GABRQ: variants seen among roughly 807,000 people sequenced by gnomAD.
The protein encoded by GABRQ is gamma-aminobutyric acid receptor subunit theta.
GABRQ carries 19 observed loss-of-function variants against 30.5 expected under a neutral mutation model. The observed-to-expected ratio is 0.62, with a 90% confidence interval of 0.43 to 0.91. The LOEUF is 0.91. GABRQ is among the 40% of genes least tolerant of loss of function. The pLI is 0.00. For missense variants in GABRQ, 520 were observed against 521.4 expected (o/e 1.00, Z 0.03); for synonymous variants, 187 against 210.2 (o/e 0.89, Z 0.95).
rs1219885762 is a variant in GABRQ, at chrX:152,657,455, G to A, written c.*4174G>A. On this transcript the variant is annotated 3_prime_UTR_variant, in exon 9 of 9. Transcript: ENST00000598523. ...TTAACAAAGTAAAATATGAAGAAAC[G>A]TAAAATTATGCTTCTGAAAAATATA... 3.6e-5 allele frequency: 4 copies of A among 111,958 alleles called. No homozygotes were observed. Among genetic ancestry groups the A allele is most frequent in the South Asian group, 3.7e-4 (1 of 2,669 alleles). The allele number at this position is 111,958 out of a possible 1,213,427, so 9.2% of individuals were successfully genotyped here. A position where few individuals can be genotyped will look rare whatever the true frequency, so the allele number is the denominator to read the frequency against.
At position 152,652,604 on chromosome X, in the gene GABRQ, C is replaced by A; in HGVS notation, c.1222C>A (p.Leu408Met). The change falls in exon 9 of 9, where the codon CTG becomes ATG. Residue 408 changes from leucine to methionine, a missense_variant. Transcript: ENST00000598523. Reference protein sequence around the residue: ...SLPITPAQAPLASPESLGSLT... With the variant: ...SLPITPAQAPMASPESLGSLT... ...CCCCATCACCCCAGCGCAGGCCCCC[C>A]TGGCAAGCCCGGAAAGCCTCGGTTC... is the stretch of plus-strand genomic sequence containing the variant. 8.3e-7 allele frequency: 1 copy of A among 1,211,055 alleles called. No homozygotes were observed.
chrX:152,638,405 G>A, intron 1 of GABRQ, 54 bp downstream of exon 1: 2 of 1,130,856 alleles, frequency 1.8e-6, no homozygotes, highest in South Asian at 3.8e-5. Context: ...GAGACGGGCA[G>A]ACGACCTCTG....
rs147670184 is a variant in GABRQ, at chrX:152,642,837, G to A, written c.238+2371G>A. ...CCCCCATTATCTGTTTAGGGATATG[G>A]GATTCCTCATCTAAATTCTCATCCT... On this transcript the variant is annotated intron_variant, in intron 2 of 8. Coordinates refer to ENST00000598523, the MANE Select transcript of GABRQ (RefSeq NM_018558.4). Among the ~76,000 whole-genome samples, 806 of 111,703 alleles carry A rather than the reference G, an allele frequency of 7.2e-3. 8 individuals are homozygous for A. The highest frequency in any genetic ancestry group is 0.025 in the African/African-American group (774 of 30,697).
Position 152,645,735 on chromosome X carries a change from T to G in GABRQ, c.306+141T>G. 7 of 430,789 alleles carry G rather than the reference T, an allele frequency of 1.6e-5. No homozygotes were observed. In the South Asian group the frequency reaches 2.8e-4, roughly 17 times the overall value. 35.5% of individuals were successfully genotyped at this position (430,789 alleles called of 1,213,427 possible). ...GGTAGGTTTGGGACACTGCAGCCATTCAGAATAAAAACTACATTAATTCAA... is the reference window on the plus strand; with the variant it reads ...GGTAGGTTTGGGACACTGCAGCCATGCAGAATAAAAACTACATTAATTCAA... On this transcript the variant is annotated intron_variant, in intron 3 of 8. Transcript: ENST00000598523.
At chrX:152,649,560 A>G (rs782083679) in intron 5 of GABRQ, among the ~76,000 whole-genome samples, 182 bp from the exon 6 acceptor site, 5 of 112,395 alleles carry the variant, frequency 4.4e-5, no homozygotes, top group Middle Eastern at 9.2e-3. Flanking sequence ...TGACAGATAG[A>G]TGTATAAATA....
rs918669654 is a variant in GABRQ at position 152,655,049 on chromosome X, T to C, written c.*1768T>C. On this transcript the variant is annotated 3_prime_UTR_variant, in exon 9 of 9. Transcript: ENST00000598523. ...TGAAAGTGTGGCTTATGTATGTGTATGCTTGTGTACACATGGGTCTATGCT... is the reference window on the plus strand; with the variant it reads ...TGAAAGTGTGGCTTATGTATGTGTACGCTTGTGTACACATGGGTCTATGCT... 3 of 112,701 alleles carry C rather than the reference T, an allele frequency of 2.7e-5. No individual in the cohort carries two copies. Among genetic ancestry groups the C allele is most frequent in the Non-Finnish European group, 3.7e-5 (2 of 53,334 alleles). 9.3% of individuals were successfully genotyped at this position (112,701 alleles called of 1,213,427 possible). A position where few individuals can be genotyped will look rare whatever the true frequency, so the allele number is the denominator to read the frequency against.
rs1931112218 is a variant in GABRQ, at chrX:152,654,639, T to C, written c.*1358T>C. On this transcript the variant is annotated 3_prime_UTR_variant, in exon 9 of 9. Transcript: ENST00000598523. ...AGCCAATGAGCGTGACGTGAGCAGA[T>C]GGAGAACACACTCTGCCCACTGAGC... The C allele has an allele frequency of 1.4e-5, 1 of 73,738 alleles. No homozygotes were observed. The highest frequency in any genetic ancestry group is 6.8e-4 in the South Asian group (1 of 1,478). 6.1% of individuals were successfully genotyped at this position (73,738 alleles called of 1,213,427 possible).
intron 2 of GABRQ, among the ~76,000 whole-genome samples, chrX:152,642,175 C>G (rs1930774556): frequency 8.9e-6 from 1 of 112,003 alleles, no homozygotes. Context: ...ACCACAGGCT[C>G]TAGGTCTGAG....
chrX:152,639,121 T>C (rs1241056497), intron 1 of GABRQ, among the ~76,000 whole-genome samples: 1 of 111,632 alleles, frequency 9.0e-6, no homozygotes, highest in Non-Finnish European at 1.9e-5. Context: ...ATGGGTAATG[T>C]GTGCTTGGAA....
Position 152,638,105 on chromosome X carries a change from C to A in GABRQ, c.-98C>A. On this transcript the variant is annotated 5_prime_UTR_variant, in exon 1 of 9. Coordinates refer to ENST00000598523, the MANE Select transcript of GABRQ (RefSeq NM_018558.4). The stretch of plus-strand genomic sequence containing the variant: ...TTTGGGGAAGGGCCAGCAATCCCGC[C>A]TTCCCCGGCCCCAGTAGTCACCCAC... 1.3e-6 allele frequency: 1 copy of A among 779,307 alleles called. No homozygotes were observed. The highest frequency in any genetic ancestry group is 1.8e-6 in the Non-Finnish European group (1 of 543,750). The allele number at this position is 779,307 out of a possible 1,213,427, so 64.2% of individuals were successfully genotyped here.
chrX:152,652,783 CT>C lies in GABRQ; in HGVS notation c.1404del (p.Phe468LeufsTer37). ...AGGCCCGGCACAGCTATGGTGTTCG[CT>C]TTAATGGTTTCCAGGCTGATGACAG... ...EQARHSYGVR[F>X]NGFQADDSII... On this transcript the variant is annotated frameshift_variant, in exon 9 of 9. Coordinates refer to ENST00000598523, the MANE Select transcript of GABRQ (RefSeq NM_018558.4). LOFTEE classifies it low-confidence loss of function (END_TRUNC). 8.3e-7 allele frequency: 1 copy of C among 1,211,408 alleles called. No individual in the cohort carries two copies. Among genetic ancestry groups the C allele is most frequent in the South Asian group, 1.8e-5 (1 of 57,017 alleles).
chrX:152,652,030 A>T (rs1275678532), intron 8 of GABRQ, among the ~76,000 whole-genome samples: 1 of 112,642 alleles, frequency 8.9e-6, no homozygotes. Context: ...AGACCTTTGG[A>T]CTGAATTTGG....
At chrX:152,642,926 G>C (rs1046233521) in intron 2 of GABRQ, among the ~76,000 whole-genome samples, 2 of 112,756 alleles carry the variant, frequency 1.8e-5, no homozygotes, top group Non-Finnish European at 3.8e-5. Context: ...CTGCATCCCT[G>C]TGCCAGGACT....
At chrX:152,639,029 G>A (rs1465739597) in intron 1 of GABRQ, among the ~76,000 whole-genome samples, 2 of 110,891 alleles carry the variant, frequency 1.8e-5, no homozygotes, top group Non-Finnish European at 3.8e-5. Flanking sequence ...GTTTGTTTGG[G>A]TGTGCGAGTA....
downstream of GABRQ, among the ~76,000 whole-genome samples, chrX:152,658,899 C>T (rs971379918): frequency 1.8e-5 from 2 of 111,795 alleles, no homozygotes; most frequent in East Asian, 5.6e-4. Context: ...TAAATCCTTT[C>T]GTGAAGAAAG....
intron 2 of GABRQ, 99 bp downstream of exon 2, chrX:152,640,565 C>T (rs979335297): frequency 1.0e-5 from 6 of 574,353 alleles, no homozygotes; most frequent in Admixed American, 4.5e-5. Context: ...TGGTATCCTG[C>T]GGGCTCTACA....
At position 152,649,279 on chromosome X, in the gene GABRQ, G is replaced by T; in HGVS notation, c.556G>T (p.Asp186Tyr). ...RLTTTAACSL[D>Y]LHKFPMDKQA... ...CACCACTACAGCAGCTTGTTCCCTG[G>T]ATCTGCATAAATTCCCTATGGACAA... Residue 186 changes from aspartate (D) to tyrosine (Y), a missense_variant, in exon 5 of 9, where the codon GAT becomes TAT. Asp to Tyr is a radical substitution (Grantham distance 160). Transcript: ENST00000598523. The T allele has an allele frequency of 8.4e-7, 1 of 1,197,565 alleles. No individual in the cohort carries two copies. The highest frequency in any genetic ancestry group is 1.1e-6 in the Non-Finnish European group (1 of 882,711).
At chrX:152,638,910 G>T (rs151020547) in intron 1 of GABRQ, among the ~76,000 whole-genome samples, 1 of 111,786 alleles carries the variant, frequency 8.9e-6, no homozygotes, top group Non-Finnish European at 1.9e-5. Context: ...CAGACAGTGC[G>T]ATCGTGTCTG....
At position 152,644,205 on chromosome X, in the gene GABRQ, ACACT is replaced by A. The variant is rs1930828315; in HGVS notation, c.239-1318_239-1315del. Among the ~76,000 whole-genome samples the A allele has an allele frequency of 4.5e-5, 5 of 111,163 alleles. 1 individual carries two copies. The Admixed American group carries it at 4.8e-4, about 11-fold the overall frequency. ...CACAAATAGGCCCACATACACAAACACACTCACAAATTCACTCAAAAACGACACA... is the reference window on the plus strand; with the variant it reads ...CACAAATAGGCCCACATACACAAACACACAAATTCACTCAAAAACGACACA... On this transcript the variant is annotated intron_variant, in intron 2 of 8. Coordinates refer to ENST00000598523, the MANE Select transcript of GABRQ (RefSeq NM_018558.4).
Sources: gnomAD v4.1 joint callset for allele counts (sites outside exome capture counted in the v4.1 genomes callset) on GRCh38, gnomAD v4.1.1 for gene constraint, MANE v1.5 for transcripts, NCBI Gene and HGNC (gene_info 2026-07-23, HGNC 2026-07-21) for gene names.